NKAIN3: variants seen among roughly 807,000 people sequenced by gnomAD.
The protein encoded by NKAIN3 is sodium/potassium transporting ATPase interacting 3.
NKAIN3 carries 25 observed loss-of-function variants against 30.2 expected under a neutral mutation model. That is an observed-to-expected ratio of 0.83 (90% CI 0.60 to 1.16). The LOEUF (loss-of-function observed/expected upper bound fraction) is 1.16. Ranked by LOEUF, NKAIN3 falls within the 50% of genes most tolerant of loss-of-function variation. The pLI, the probability that NKAIN3 is intolerant of heterozygous loss-of-function variation, is 0.00. For synonymous variants in NKAIN3, 91 were observed against 89.6 expected, an observed-to-expected ratio of 1.02 and a Z score of -0.09; for missense variants, 225 against 254.1, an observed-to-expected ratio of 0.89 and a Z score of 0.78.
intron 4 of NKAIN3, among the ~76,000 whole-genome samples, chr8:62,868,341 CTT>C (rs35914769): frequency 1.3e-4 from 19 of 146,332 alleles, no homozygotes; most frequent in African/African-American, 2.0e-4. Flanking sequence ...AGTTCATTTC[CTT>C]TTTTTTTTTT....
At chr8:62,463,974 G>A (rs964825280) in intron 1 of NKAIN3, among the ~76,000 whole-genome samples, 1 of 150,814 alleles carries the variant, frequency 6.6e-6, no homozygotes, top group Non-Finnish European at 1.5e-5. Context: ...GGGGAATACT[G>A]TACCACAGAT....
intron 1 of NKAIN3, among the ~76,000 whole-genome samples, chr8:62,465,520 T>C (rs1372561834): frequency 6.6e-6 from 1 of 152,172 alleles, no homozygotes; most frequent in Non-Finnish European, 1.5e-5. Flanking sequence ...TGTTTCAATA[T>C]GTGTTTTGAC....
intron 3 of NKAIN3, among the ~76,000 whole-genome samples, chr8:62,670,796 T>C (rs1376610340): frequency 6.6e-6 from 1 of 151,904 alleles, no homozygotes. Flanking sequence ...CAGATTTCTT[T>C]TAAATCCCTG....
chr8:62,658,632 T>C (rs1812839087), intron 3 of NKAIN3, among the ~76,000 whole-genome samples: 1 of 152,192 alleles, frequency 6.6e-6, no homozygotes, highest in Non-Finnish European at 1.5e-5. Flanking sequence ...TACTTAGTGA[T>C]TTATCATTGA....
At chr8:62,680,561 T>C (rs1012235641) in intron 3 of NKAIN3, among the ~76,000 whole-genome samples, 5 of 152,224 alleles carry the variant, frequency 3.3e-5, no homozygotes, top group Non-Finnish European at 7.3e-5. Flanking sequence ...CTGGGAAATT[T>C]AGTATTATGC....
intron 3 of NKAIN3, among the ~76,000 whole-genome samples, chr8:62,621,399 T>A (rs1349106962): frequency 1.3e-5 from 2 of 152,054 alleles, no homozygotes; most frequent in African/African-American, 4.8e-5. Flanking sequence ...ATACATTTAA[T>A]TGTTAAGAAG....
chr8:62,826,937 G>T (rs553649480), intron 4 of NKAIN3, among the ~76,000 whole-genome samples: 2 of 152,094 alleles, frequency 1.3e-5, no homozygotes, highest in African/African-American at 4.8e-5. Context: ...TTATCAGAAC[G>T]GGCTATCAAG....
In NKAIN3 at chr8:62,821,140, T is replaced by A. The variant is rs530668478; in HGVS notation, c.471+74011T>A. On this transcript the variant is annotated intron_variant, in intron 4 of 6. Transcript: ENST00000623646. ...TGATACCAATAATTCCCTGGTATCA[T>A]GTCTTTCCCTTCTTTATTGATAGTA... 2.4e-4 allele frequency among the ~76,000 whole-genome samples: 36 copies of A among 152,230 alleles called. 1 individual carries two copies. The South Asian group carries it at 6.0e-3, about 25-fold the overall frequency.
rs553246972 is a variant in NKAIN3 at position 62,542,212 on chromosome 8, G to A, written c.55-37327G>A. On this transcript the variant is annotated intron_variant, in intron 1 of 6. Coordinates refer to ENST00000623646, the MANE Select transcript of NKAIN3 (RefSeq NM_001304533.3). ...TCATAGATTTTTGTGTAACCCTCTA[G>A]CTTTCATTATGGAAGCTTTACTCCC... is the stretch of plus-strand genomic sequence containing the variant. Among the ~76,000 whole-genome samples, 18 of 152,206 alleles carry A rather than the reference G, an allele frequency of 1.2e-4. No homozygotes were observed. The South Asian group carries it at 3.7e-3, about 32-fold the overall frequency.
chr8:62,614,567 G>A (rs1375416184), intron 3 of NKAIN3, among the ~76,000 whole-genome samples: 1 of 152,096 alleles, frequency 6.6e-6, no homozygotes, highest in African/African-American at 2.4e-5. Context: ...AAACCAACTA[G>A]GCCTGTGAGC....
chr8:62,375,707 G>A (rs150895964), intron 1 of NKAIN3, among the ~76,000 whole-genome samples: 1 of 152,148 alleles, frequency 6.6e-6, no homozygotes, highest in African/African-American at 2.4e-5. Context: ...CAGATTATAT[G>A]GGATAAAAGA....
rs542000759 is a variant in NKAIN3 at position 62,620,161 on chromosome 8, C to A, written c.273+30367C>A. On this transcript the variant is annotated intron_variant, in intron 3 of 6. Transcript: ENST00000623646. The stretch of plus-strand genomic sequence containing the variant: ...ATGATAGGACACAGGGGTATGCTCT[C>A]GTGGTAATAAACTGGGGAGACTTAG... Among the ~76,000 whole-genome samples the A allele has an allele frequency of 6.6e-5, 10 of 151,996 alleles. No homozygotes were observed. The South Asian group carries it at 1.0e-3, about 16-fold the overall frequency.
intron 1 of NKAIN3, among the ~76,000 whole-genome samples, chr8:62,355,703 A>G (rs1327421503): frequency 6.6e-6 from 1 of 152,192 alleles, no homozygotes; most frequent in Non-Finnish European, 1.5e-5. Flanking sequence ...TATGTTAGTG[A>G]AATTGCTCTT....
chr8:62,325,868 A>G (rs1815101948), intron 1 of NKAIN3, among the ~76,000 whole-genome samples: 1 of 151,054 alleles, frequency 6.6e-6, no homozygotes. Flanking sequence ...TTTTGAAGGG[A>G]TTATTTGTTT....
intron 4 of NKAIN3, among the ~76,000 whole-genome samples, chr8:62,826,869 CA>C (rs1339618363): frequency 1.3e-5 from 2 of 152,150 alleles, no homozygotes; most frequent in Admixed American, 1.3e-4. Flanking sequence ...GTCATTGTTT[CA>C]AATCTGGGAT....
chr8:62,653,608 A>T (rs1033224468), intron 3 of NKAIN3, among the ~76,000 whole-genome samples: 21 of 152,150 alleles, frequency 1.4e-4, no homozygotes, highest in African/African-American at 5.1e-4. Flanking sequence ...AAAATAAAGG[A>T]ATATACAAGT....
intron 3 of NKAIN3, among the ~76,000 whole-genome samples, chr8:62,742,618 G>C (rs1815939740): frequency 6.6e-6 from 1 of 152,150 alleles, no homozygotes; most frequent in Non-Finnish European, 1.5e-5. Context: ...AAAGACACCA[G>C]TTGTATCAGT....
At position 62,313,733 on chromosome 8, in the gene NKAIN3, G is replaced by C. The variant is rs146609023; in HGVS notation, c.54+64606G>C. ...ATATAAGAGTCCTTTCAAAAACTGTGTTATAAGAATTTCAGCACCATTTTT... is the reference window on the plus strand; with the variant it reads ...ATATAAGAGTCCTTTCAAAAACTGTCTTATAAGAATTTCAGCACCATTTTT... On this transcript the variant is annotated intron_variant, in intron 1 of 6. Coordinates refer to ENST00000623646, the MANE Select transcript of NKAIN3 (RefSeq NM_001304533.3). Among the ~76,000 whole-genome samples the C allele has an allele frequency of 1.2e-3, 176 of 152,222 alleles. 1 individual carries two copies. Among genetic ancestry groups the C allele is most frequent in the African/African-American group, 4.1e-3 (170 of 41,562 alleles).
At chr8:62,545,807 T>G (rs1480229539) in intron 1 of NKAIN3, among the ~76,000 whole-genome samples, 1 of 152,144 alleles carries the variant, frequency 6.6e-6, no homozygotes, top group Non-Finnish European at 1.5e-5. Context: ...ATGTAAAAAT[T>G]TTTCAATCAA....
Sources: allele counts gnomAD v4.1 joint callset (sites outside exome capture counted in the v4.1 genomes callset), GRCh38; gene constraint gnomAD v4.1.1; transcripts MANE v1.5; gene names NCBI Gene and HGNC (gene_info 2026-07-23, HGNC 2026-07-21).